ASPH: variants seen among roughly 807,000 people sequenced by gnomAD.
ASPH encodes aspartyl/asparaginyl beta-hydroxylase.
Under a neutral mutation model 118.4 loss-of-function variants are expected in ASPH, and 100 were observed. The observed-to-expected ratio is 0.84, with a 90% confidence interval of 0.72 to 1.00. The LOEUF (loss-of-function observed/expected upper bound fraction) is 1.00. Ranked by LOEUF, ASPH falls within the 50% of genes least tolerant of loss-of-function variation. ASPH has a pLI of 0.00. For synonymous variants in ASPH, 315 were observed against 325.6 expected (o/e 0.97, Z 0.35); for missense variants, 920 against 919.5 (o/e 1.00, Z -0.01).
At chr8:61,563,395 T>C (rs778549355) in intron 17 of ASPH, among the ~76,000 whole-genome samples, 1 of 152,134 alleles carries the variant, frequency 6.6e-6, no homozygotes, top group African/African-American at 2.4e-5. Context: ...AATGACCTAG[T>C]CATGGAGCAA....
chr8:61,615,701 G>A (rs1006342101), intron 14 of ASPH, among the ~76,000 whole-genome samples: 1 of 152,178 alleles, frequency 6.6e-6, no homozygotes, highest in Admixed American at 6.5e-5. Context: ...GACATCCAGT[G>A]GGGAGAAACT....
intron 24 of ASPH, chr8:61,517,291 A>G (rs1042332412): frequency 4.2e-6 from 2 of 476,408 alleles, no homozygotes; most frequent in African/African-American, 1.9e-5. Context: ...CTCCTCAACT[A>G]GATAAGTACT....
Position 61,570,786 on chromosome 8 carries a change from TCTAA to T in ASPH, c.1150-3472_1150-3469del, listed in dbSNP as rs539219437. On this transcript the variant is annotated intron_variant, in intron 16 of 24. Coordinates refer to ENST00000379454, the MANE Select transcript of ASPH (RefSeq NM_004318.4). ...TAACATCGCAAAGCCTTTTGTTGAC[TCTAA>T]CTAATTCACCCAACCAATCTTCCTA... Among the ~76,000 whole-genome samples, 94 of 152,330 alleles carry T rather than the reference TCTAA, an allele frequency of 6.2e-4. 1 individual carries two copies. In the Middle Eastern group the frequency reaches 0.031, roughly 50 times the overall value.
chr8:61,714,137 A>C, intron 1 of ASPH, 132 bp downstream of exon 1: 2 of 1,243,876 alleles, frequency 1.6e-6, no homozygotes, highest in Non-Finnish European at 2.0e-6. Context: ...GCGCGCCTAA[A>C]GGAGGAGCGT....
chr8:61,703,063 C>T (rs1326566333), intron 1 of ASPH, among the ~76,000 whole-genome samples: 1 of 152,116 alleles, frequency 6.6e-6, no homozygotes, highest in Non-Finnish European at 1.5e-5. Context: ...ATAAAAAGGA[C>T]AATTCAAATC....
chr8:61,546,548 T>C (rs1377096122), intron 21 of ASPH, among the ~76,000 whole-genome samples: 4 of 152,230 alleles, frequency 2.6e-5, no homozygotes, highest in Non-Finnish European at 5.9e-5. Context: ...AATCTGGATA[T>C]GGAACTTTAA....
chr8:61,642,395 T>C (rs1371353502), intron 10 of ASPH, among the ~76,000 whole-genome samples: 1 of 152,254 alleles, frequency 6.6e-6, no homozygotes, highest in Non-Finnish European at 1.5e-5. Flanking sequence ...TAAGAAATTA[T>C]TTAGGCAATG....
intron 14 of ASPH, among the ~76,000 whole-genome samples, chr8:61,615,100 G>A (rs905531748): frequency 3.3e-5 from 5 of 152,060 alleles, no homozygotes; most frequent in African/African-American, 4.8e-5. Context: ...TTTTGTCTTC[G>A]AAAGCCTATG....
intron 1 of ASPH, among the ~76,000 whole-genome samples, chr8:61,690,200 A>G (rs1291459164): frequency 6.6e-6 from 1 of 152,238 alleles, no homozygotes; most frequent in Admixed American, 6.5e-5. Context: ...AATGGCTACA[A>G]GGAAAGACCA....
chr8:61,612,692 T>C (rs1333217241), intron 14 of ASPH, among the ~76,000 whole-genome samples: 1 of 152,136 alleles, frequency 6.6e-6, no homozygotes, highest in Non-Finnish European at 1.5e-5. Context: ...CAAAGTTTCA[T>C]AGACCTGTGG....
chr8:61,631,293 C>T (rs1855484962), intron 13 of ASPH, among the ~76,000 whole-genome samples: 1 of 152,158 alleles, frequency 6.6e-6, no homozygotes, highest in African/African-American at 2.4e-5. Context: ...TAGGCTTTCA[C>T]ATTCACTCAC....
chr8:61,522,272 G>A (rs558778766), intron 22 of ASPH, among the ~76,000 whole-genome samples: 3 of 152,090 alleles, frequency 2.0e-5, no homozygotes, highest in East Asian at 3.9e-4. Flanking sequence ...GTATCAGTTC[G>A]CTAGGGCTGC....
Position 61,642,907 on chromosome 8 carries a change from G to A in ASPH, c.771C>T (p.Tyr257=). 1 of 1,547,190 alleles carries A rather than the reference G, an allele frequency of 6.5e-7. No individual in the cohort carries two copies. The highest frequency in any genetic ancestry group is 8.7e-7 in the Non-Finnish European group (1 of 1,154,548). The change falls in exon 10 of 25, where the codon TAC becomes TAT. Residue 257 remains tyrosine (Y), a synonymous_variant. Transcript: ENST00000379454. ...RLHHDTDDVT[Y]QVYEEQAVYE... is the part of the protein sequence containing the mutation. ...GCAAACCTTGTTCCTCATAGACTTGGTATGTTACATCATCTGAAAAAAAAA... is the reference window on the plus strand; with the variant it reads ...GCAAACCTTGTTCCTCATAGACTTGATATGTTACATCATCTGAAAAAAAAA...
intron 1 of ASPH, among the ~76,000 whole-genome samples, chr8:61,686,715 C>T (rs150525442): frequency 2.4e-3 from 361 of 152,242 alleles, no homozygotes; most frequent in African/African-American, 7.9e-3. Flanking sequence ...CTAAGAATTT[C>T]CTGCCTTTGC....
At chr8:61,686,929 T>C (rs1425892335) in intron 1 of ASPH, among the ~76,000 whole-genome samples, 2 of 152,092 alleles carry the variant, frequency 1.3e-5, no homozygotes, top group Non-Finnish European at 2.9e-5. Flanking sequence ...TTTTATTCAG[T>C]ACATGAATAT....
chr8:61,539,116 C>T (rs1820726325), intron 21 of ASPH, among the ~76,000 whole-genome samples: 2 of 152,144 alleles, frequency 1.3e-5, no homozygotes, highest in South Asian at 4.1e-4. Context: ...TGGCAGGCGC[C>T]TGTAATCCCA....
intron 15 of ASPH, among the ~76,000 whole-genome samples, chr8:61,580,023 C>T (rs1263514123): frequency 6.6e-6 from 1 of 151,042 alleles, no homozygotes; most frequent in Non-Finnish European, 1.5e-5. Flanking sequence ...GCTCTGAAAT[C>T]ATCTCCTTTG....
At chr8:61,590,202 C>T (rs914172260) in intron 14 of ASPH, among the ~76,000 whole-genome samples, 2 of 151,236 alleles carry the variant, frequency 1.3e-5, no homozygotes, top group Non-Finnish European at 3.0e-5. Flanking sequence ...GCTCAGGGAT[C>T]CCAGACACTG....
intron 9 of ASPH, 70 bp downstream of exon 9, chr8:61,643,316 T>G (rs1021518284): frequency 6.8e-6 from 10 of 1,474,360 alleles, no homozygotes; most frequent in Non-Finnish European, 9.2e-6. Context: ...AAAATCACCA[T>G]GTAAACACAG....
Sources: allele counts gnomAD v4.1 joint callset (sites outside exome capture counted in the v4.1 genomes callset), GRCh38; gene constraint gnomAD v4.1.1; transcripts MANE v1.5; gene names NCBI Gene and HGNC (gene_info 2026-07-23, HGNC 2026-07-21).